ZNF385C: variants seen among roughly 807,000 people sequenced by gnomAD.
ZNF385C encodes the protein zinc finger protein 385C, also known as CTD-2132N18.2.
Under a neutral mutation model 35.4 loss-of-function variants are expected in ZNF385C, and 28 were observed. The ratio of observed to expected loss-of-function variants is 0.79; its 90% CI spans 0.59 to 1.08. The LOEUF (loss-of-function observed/expected upper bound fraction) is 1.08, where lower values mean the gene tolerates loss of function less well. Among genes scored for constraint, ZNF385C ranks in the 50% least tolerant of loss-of-function variants. The pLI is 0.00. For missense variants in ZNF385C, 605 were observed against 595.6 expected (o/e 1.02, Z -0.16); for synonymous variants, 248 against 248.2 (o/e 1.00, Z 0.01).
rs1394803754 is a variant in ZNF385C at position 42,070,939 on chromosome 17, C to T, written c.-2-7881G>A. 2.6e-5 allele frequency among the ~76,000 whole-genome samples: 4 copies of T among 152,208 alleles called. No individual in the cohort carries two copies. The South Asian group carries it at 8.3e-4, about 32-fold the overall frequency. Reference sequence around the variant, plus strand: ...TGCCCTCTCCCAGCACTGACACCTCCCCAGGGCGAGGAAGGGGAAACAGCC... The same window carrying T: ...TGCCCTCTCCCAGCACTGACACCTCTCCAGGGCGAGGAAGGGGAAACAGCC... On this transcript the variant is annotated intron_variant, in intron 1 of 8. Transcript: ENST00000692273.
chr17:42,060,639 A>T (rs1317849508), intron 2 of ZNF385C, among the ~76,000 whole-genome samples: 2 of 152,072 alleles, frequency 1.3e-5, no homozygotes, highest in African/African-American at 4.8e-5. Flanking sequence ...CCTGCCTGGG[A>T]TCCTCTCTTT....
intron 1 of ZNF385C, among the ~76,000 whole-genome samples, chr17:42,096,930 T>C (rs1189547316): frequency 7.4e-6 from 1 of 135,960 alleles, no homozygotes; most frequent in Non-Finnish European, 1.6e-5. Flanking sequence ...TTCCCCCTGG[T>C]AGGGGGGCAT....
rs1396174525 is a variant in ZNF385C, at chr17:42,026,123, G to A, written c.*774C>T. ...ATCAGCAAGTATCACTTGAACCAGG[G>A]AGGCAGAGGCTGCATGCAGTGAGCC... On this transcript the variant is annotated 3_prime_UTR_variant, in exon 9 of 9. Coordinates refer to ENST00000692273, the MANE Select transcript of ZNF385C (RefSeq NM_001392013.1). The A allele has an allele frequency of 1.3e-5, 2 of 152,248 alleles. No individual in the cohort carries two copies. Among genetic ancestry groups the A allele is most frequent in the East Asian group, 1.9e-4 (1 of 5,184 alleles). 9.4% of individuals were successfully genotyped at this position (152,248 alleles called of 1,614,324 possible).
intron 2 of ZNF385C, among the ~76,000 whole-genome samples, chr17:42,049,433 A>T (rs1439095512): frequency 6.6e-6 from 1 of 152,212 alleles, no homozygotes; most frequent in Admixed American, 6.5e-5. Flanking sequence ...TGAATCCCAG[A>T]GATGGGTACA....
chr17:42,032,549 A>G (rs2052754279), intron 4 of ZNF385C, among the ~76,000 whole-genome samples: 2 of 152,226 alleles, frequency 1.3e-5, no homozygotes, highest in Admixed American at 1.3e-4. Context: ...AAATGGAGAA[A>G]GCAGAGCAAT....
chr17:42,063,014 T>C lies in ZNF385C; in HGVS notation c.43A>G (p.Thr15Ala). ...LSPPPPAEKE[T>A]PISGAAECLP... ...CACTCAGCAGCTCCAGATATGGGGGTCTCCTTCTCAGCCGGTGGGGGTGGG... is the reference window on the plus strand; with the variant it reads ...CACTCAGCAGCTCCAGATATGGGGGCCTCCTTCTCAGCCGGTGGGGGTGGG... The change falls in exon 2 of 9, where the codon ACC becomes GCC. Residue 15 changes from threonine (T) to alanine (A), a missense_variant. By Grantham distance (58) the Thr-to-Ala change is moderately conservative (BLOSUM62 0). Coordinates refer to ENST00000692273, the MANE Select transcript of ZNF385C (RefSeq NM_001392013.1). The C allele has an allele frequency of 2.9e-6, 2 of 679,108 alleles. No homozygotes were observed. The highest frequency in any genetic ancestry group is 5.3e-6 in the Non-Finnish European group (2 of 374,782). 42.1% of individuals were successfully genotyped at this position (679,108 alleles called of 1,614,324 possible). A position where few individuals can be genotyped will look rare whatever the true frequency, so the allele number is the denominator to read the frequency against.
intron 2 of ZNF385C, chr17:42,061,123 T>A (rs1187161637): frequency 6.6e-6 from 1 of 152,046 alleles, no homozygotes; most frequent in African/African-American, 2.4e-5. Flanking sequence ...CAGGCAGATA[T>A]GATGTCTTTT....
intron 2 of ZNF385C, among the ~76,000 whole-genome samples, chr17:42,044,981 A>G (rs1370012865): frequency 6.8e-6 from 1 of 148,100 alleles, no homozygotes; most frequent in Admixed American, 6.9e-5. Context: ...GCAGTGGCGC[A>G]ATCTTGGCTC....
chr17:42,084,983 T>C (rs1028458838), intron 1 of ZNF385C, among the ~76,000 whole-genome samples: 1 of 152,088 alleles, frequency 6.6e-6, no homozygotes, highest in Admixed American at 6.5e-5. Context: ...ATATAAACAA[T>C]CTAAAGACTA....
chr17:42,040,154 G>A (rs1555655963), intron 2 of ZNF385C: 5 of 1,231,430 alleles, frequency 4.1e-6, no homozygotes, highest in African/African-American at 1.6e-5. Context: ...GGCGCCTGCG[G>A]GTAGCGTCGG....
At position 42,045,337 on chromosome 17, in the gene ZNF385C, C is replaced by T. The variant is rs191154443; in HGVS notation, c.251-7452G>A. The stretch of plus-strand genomic sequence containing the variant: ...AAGTGCTGGGATTACAGGCGTGCGC[C>T]ACCGCGCCTGGCCTTAACTCTACCT... On this transcript the variant is annotated intron_variant, in intron 2 of 8. Coordinates refer to ENST00000692273, the MANE Select transcript of ZNF385C (RefSeq NM_001392013.1). Among the ~76,000 whole-genome samples, 350 of 152,390 alleles carry T rather than the reference C, an allele frequency of 2.3e-3. 2 individuals carry two copies. The highest frequency in any genetic ancestry group is 4.1e-3 in the Non-Finnish European group (281 of 68,044).
chr17:42,039,404 C>T (rs2052948459), intron 2 of ZNF385C: 1 of 305,298 alleles, frequency 3.3e-6, no homozygotes, highest in Admixed American at 5.1e-5. Context: ...GCCCCGAGTC[C>T]AGAAGGGAAA....
chr17:42,071,721 C>T (rs948429554), intron 1 of ZNF385C, among the ~76,000 whole-genome samples: 40 of 152,288 alleles, frequency 2.6e-4, no homozygotes, highest in African/African-American at 8.9e-4. Context: ...GGCCCCATGC[C>T]CCCTCCTAGG....
intron 1 of ZNF385C, among the ~76,000 whole-genome samples, chr17:42,082,769 C>T (rs577275063): frequency 1.3e-5 from 2 of 152,166 alleles, no homozygotes; most frequent in Admixed American, 6.5e-5. Flanking sequence ...CCTGTCTTTA[C>T]AAAAAATACA....
chr17:42,059,160 C>T (rs1355662807), intron 2 of ZNF385C, among the ~76,000 whole-genome samples: 4 of 152,174 alleles, frequency 2.6e-5, no homozygotes, highest in Admixed American at 6.5e-5. Flanking sequence ...TCTAAGGACC[C>T]GTCCCCACTG....
chr17:42,065,140 C>A (rs1555658352), intron 1 of ZNF385C: 1 of 152,182 alleles, frequency 6.6e-6, no homozygotes, highest in East Asian at 1.9e-4. Context: ...GTGTGAGCCA[C>A]CGCGCTGGGT....
At chr17:42,088,476 C>T (rs1284141395) in intron 1 of ZNF385C, among the ~76,000 whole-genome samples, 1 of 152,268 alleles carries the variant, frequency 6.6e-6, no homozygotes, top group African/African-American at 2.4e-5. Context: ...GTGTCTGGGT[C>T]TGTTTCACCG....
intron 1 of ZNF385C, among the ~76,000 whole-genome samples, chr17:42,078,251 C>T (rs782172516): frequency 3.3e-5 from 5 of 152,048 alleles, no homozygotes; most frequent in Admixed American, 6.5e-5. Context: ...TGATTTTCTA[C>T]GCCTTCTGAC....
chr17:42,045,759 A>G (rs1242515875), intron 2 of ZNF385C, among the ~76,000 whole-genome samples: 6 of 152,040 alleles, frequency 3.9e-5, no homozygotes, highest in African/African-American at 1.5e-4. Context: ...CCCTCACCCA[A>G]CAGCCAGAGA....
Sources: allele counts gnomAD v4.1 joint callset (sites outside exome capture counted in the v4.1 genomes callset), GRCh38; gene constraint gnomAD v4.1.1; transcripts MANE v1.5; gene names NCBI Gene and HGNC (gene_info 2026-07-23, HGNC 2026-07-21).